NCAPG2: variants seen among roughly 807,000 people sequenced by gnomAD.
The protein encoded by NCAPG2 is condensin-2 complex subunit G2.
A neutral mutation model predicts 141.1 loss-of-function variants in NCAPG2; 53 were observed. The ratio of observed to expected loss-of-function variants is 0.38; its 90% CI spans 0.30 to 0.47. The LOEUF (loss-of-function observed/expected upper bound fraction) is 0.47, where lower values mean the gene tolerates loss of function less well. Ranked by LOEUF, NCAPG2 falls within the 20% of genes least tolerant of loss-of-function variation. NCAPG2 has a pLI of 0.99. For missense variants in NCAPG2, 1,087 were observed against 1,389.0 expected (o/e 0.78, Z 3.46); for synonymous variants, 499 against 490.7 (o/e 1.02, Z -0.22).
At chr7:158,670,299 C>A (rs539232471) in intron 13 of NCAPG2, among the ~76,000 whole-genome samples, 88 of 152,314 alleles carry the variant, frequency 5.8e-4, no homozygotes, top group African/African-American at 1.8e-3. Context: ...GGCACGGTGG[C>A]TCACACCTGT....
intron 12 of NCAPG2, among the ~76,000 whole-genome samples, chr7:158,672,123 G>C (rs753510054): frequency 1.3e-5 from 2 of 151,728 alleles, no homozygotes; most frequent in South Asian, 4.2e-4. Context: ...GACTACAGTG[G>C]CCACGTAGCA....
At chr7:158,690,857 G>T in intron 4 of NCAPG2, 135 bp from the exon 5 acceptor site, 2 of 762,558 alleles carry the variant, frequency 2.6e-6, no homozygotes, top group African/African-American at 3.6e-5. Context: ...TGTTTAACTT[G>T]CCAAAGATTT....
chr7:158,664,096 G>A (rs1003315999), intron 15 of NCAPG2, 88 bp downstream of exon 15: 4 of 1,047,970 alleles, frequency 3.8e-6, no homozygotes, highest in Admixed American at 2.1e-5. Context: ...AAGGAACAAA[G>A]AAAACATAGG....
intron 19 of NCAPG2, 46 bp from the exon 20 acceptor site, chr7:158,655,501 C>T (rs1831845357): frequency 2.1e-6 from 3 of 1,453,564 alleles, no homozygotes; most frequent in Admixed American, 1.7e-5. Context: ...TGACAAGGCA[C>T]CACCACACCC....
chr7:158,677,686 C>T (rs2129467011), intron 11 of NCAPG2, among the ~76,000 whole-genome samples: 1 of 152,312 alleles, frequency 6.6e-6, no homozygotes, highest in African/African-American at 2.4e-5. Flanking sequence ...CTTACAACCA[C>T]ATCCTCTCTG....
chr7:158,645,935 T>C (rs2129457566), intron 25 of NCAPG2, among the ~76,000 whole-genome samples: 1 of 152,328 alleles, frequency 6.6e-6, no homozygotes, highest in South Asian at 2.1e-4. Context: ...ATGGTGCTTT[T>C]AAAAGTTTTC....
intron 13 of NCAPG2, chr7:158,667,114 A>C (rs1833024190): frequency 1.0e-6 from 1 of 982,028 alleles, no homozygotes; most frequent in African/African-American, 1.8e-5. Flanking sequence ...AAGGGAAATT[A>C]GCTTGCATGC....
chr7:158,634,491 A>T (rs577688474), intron 27 of NCAPG2, among the ~76,000 whole-genome samples: 4 of 152,302 alleles, frequency 2.6e-5, no homozygotes, highest in African/African-American at 9.6e-5. Context: ...TGTCCCAAAT[A>T]TTGTCAAACT....
At chr7:158,637,987 T>C (rs561723582) in intron 27 of NCAPG2, among the ~76,000 whole-genome samples, 1 of 151,992 alleles carries the variant, frequency 6.6e-6, no homozygotes, top group African/African-American at 2.4e-5. Flanking sequence ...CTACTAAAAA[T>C]ACAAAAATTA....
chr7:158,677,525 C>CAAAAAAAAAAAAAAAAAAAAAAAAAAGAA, intron 11 of NCAPG2, among the ~76,000 whole-genome samples: 8 of 90,400 alleles, frequency 8.8e-5, no homozygotes, highest in African/African-American at 1.4e-4. Context: ...AAAAATAAAG[C>CAAAAAAAAAAAAAAAAAAAAAAAAAAGAA]AAAAAAAAAA....
rs748217254 is a variant in NCAPG2, at chr7:158,671,581, T to C, written c.1412A>G (p.Asn471Ser). The C allele has an allele frequency of 1.2e-6, 2 of 1,614,218 alleles. No homozygotes were observed. Among genetic ancestry groups the C allele is most frequent in the South Asian group, 1.1e-5 (1 of 91,084 alleles). ...LPALRYSLHD[N>S]SEKVRVAFVD... is the part of the protein sequence containing the mutation. The stretch of plus-strand genomic sequence containing the variant: ...AAAAGCTACCCTCACTTTCTCCGAA[T>C]TGTCGTGGAGACTGTATCTGAGAGC... Residue 471 changes from asparagine (N) to serine (S), a missense_variant, in exon 13 of 28, where the codon AAT becomes AGT. Physicochemically the swap from Asn to Ser is conservative, Grantham distance 46 (BLOSUM62 1). Coordinates refer to ENST00000356309, the MANE Select transcript of NCAPG2 (RefSeq NM_017760.7).
At chr7:158,690,759 C>T (rs746545630) in intron 4 of NCAPG2, 37 bp from the exon 5 acceptor site, 2 of 1,582,014 alleles carry the variant, frequency 1.3e-6, no homozygotes, top group Non-Finnish European at 8.6e-7. Context: ...ATTAGTAAGG[C>T]AAATTCTTAT....
chr7:158,652,158 C>G, intron 23 of NCAPG2, 135 bp downstream of exon 23: 1 of 869,088 alleles, frequency 1.2e-6, no homozygotes, highest in Non-Finnish European at 1.8e-6. Context: ...GTGCACCTCG[C>G]CAGCAGGGAC....
chr7:158,647,775 A>C (rs1282152879), intron 24 of NCAPG2, among the ~76,000 whole-genome samples: 1 of 151,802 alleles, frequency 6.6e-6, no homozygotes, highest in African/African-American at 2.4e-5. Flanking sequence ...ATCATAGCTC[A>C]CTGCAGCCTT....
Position 158,671,608 on chromosome 7 carries a change from G to C in NCAPG2, c.1385C>G (p.Pro462Arg). 6.2e-7 allele frequency: 1 copy of C among 1,614,156 alleles called. No homozygotes were observed. Among genetic ancestry groups the C allele is most frequent in the South Asian group, 1.1e-5 (1 of 91,080 alleles). The change falls in exon 13 of 28, where the codon CCA becomes CGA. Residue 462 changes from proline (P) to arginine (R), a missense_variant. By Grantham distance (103) the Pro-to-Arg change is moderately radical. Coordinates refer to ENST00000356309, the MANE Select transcript of NCAPG2 (RefSeq NM_017760.7). ...GTCGTGGAGACTGTATCTGAGAGCTGGAAGGAGCTGCTCTAACAATGGGTG... is the reference window on the plus strand; with the variant it reads ...GTCGTGGAGACTGTATCTGAGAGCTCGAAGGAGCTGCTCTAACAATGGGTG... ...LSHPLLEQLL[P>R]ALRYSLHDNS...
At chr7:158,693,284 C>A in intron 3 of NCAPG2, 25 bp downstream of exon 3, 1 of 1,585,098 alleles carries the variant, frequency 6.3e-7, no homozygotes. Context: ...AAAAACGTTT[C>A]TTATTTTTGA....
chr7:158,658,405 C>A lies in NCAPG2; in HGVS notation c.1993G>T (p.Asp665Tyr). 1 of 1,609,246 alleles carries A rather than the reference C, an allele frequency of 6.2e-7. No homozygotes were observed. The highest frequency in any genetic ancestry group is 1.1e-5 in the South Asian group (1 of 90,350). The part of the protein sequence containing the change: ...LPEYLKVFKD[D>Y]RCKIPLFMLM... ...ATGAATAAAGGGATCTTGCAGCGAT[C>A]ATCCTAAAAGCGAAAAAAGAAAAAC... is the stretch of plus-strand genomic sequence containing the variant. The change falls in exon 17 of 28, where the codon GAT (aspartate) becomes TAT (tyrosine). Residue 665 changes from aspartate to tyrosine, a missense_variant. Transcript: ENST00000356309.
chr7:158,663,285 G>A (rs1001527781), intron 15 of NCAPG2, among the ~76,000 whole-genome samples: 1 of 152,242 alleles, frequency 6.6e-6, no homozygotes, highest in Admixed American at 6.5e-5. Flanking sequence ...TGGCAGTGAG[G>A]GTGTAGTGAG....
chr7:158,651,012 C>T, intron 23 of NCAPG2, 40 bp from the exon 24 acceptor site: 2 of 1,529,534 alleles, frequency 1.3e-6, no homozygotes, highest in South Asian at 2.5e-5. Context: ...TGACTAAAAA[C>T]CATGGTTTTG....
Sources: allele counts gnomAD v4.1 joint callset (sites outside exome capture counted in the v4.1 genomes callset), GRCh38; gene constraint gnomAD v4.1.1; transcripts MANE v1.5; gene names NCBI Gene and HGNC (gene_info 2026-07-23, HGNC 2026-07-21).